ZNF536: variants seen among roughly 807,000 people sequenced by gnomAD.
ZNF536 encodes the protein zinc finger protein 536.
In ZNF536, 13 loss-of-function variants were observed where a neutral mutation model predicts 84.5. That is an observed-to-expected ratio of 0.15 (90% CI 0.10 to 0.24). The LOEUF is 0.24. ZNF536 is among the 10% of genes least tolerant of loss of function. ZNF536 has a pLI of 1.00. For missense variants in ZNF536, 1,536 were observed against 1,747.5 expected, an observed-to-expected ratio of 0.88 and a Z score of 2.16; for synonymous variants, 811 against 742.5, an observed-to-expected ratio of 1.09 and a Z score of -1.50.
chr19:30,574,591 A>G (rs1216804716), intron 1 of ZNF536, among the ~76,000 whole-genome samples: 2 of 152,250 alleles, frequency 1.3e-5, no homozygotes, highest in Admixed American at 6.5e-5. Context: ...GCGTTGCCTT[A>G]AGGCCTTTCT....
At chr19:30,319,612 C>T (rs536200878) in intron 2 of ZNF536, among the ~76,000 whole-genome samples, 1 of 152,272 alleles carries the variant, frequency 6.6e-6, no homozygotes, top group East Asian at 1.9e-4. Context: ...AGAATGAAGT[C>T]CTAAGGGTTT....
intron 1 of ZNF536, among the ~76,000 whole-genome samples, chr19:30,594,345 G>A (rs1316884271): frequency 1.3e-5 from 2 of 152,132 alleles, no homozygotes; most frequent in Non-Finnish European, 2.9e-5. Context: ...CACAGGGCCT[G>A]TCCCAGGCTG....
rs992051629 is a variant in ZNF536 at position 30,365,150 on chromosome 19, G to T, written c.-3+12666G>T. On this transcript the variant is annotated intron_variant, in intron 3 of 5. Transcript: ENST00000585628. ...ACACGTAATTATCTTGTTTACTCAG[G>T]GTATAAATAGAGTTCATGCATTTTA... Among the ~76,000 whole-genome samples the T allele has an allele frequency of 4.6e-5, 7 of 152,058 alleles. No homozygotes were observed. The South Asian group carries it at 6.2e-4, about 14-fold the overall frequency.
intron 2 of ZNF536, among the ~76,000 whole-genome samples, chr19:30,493,089 CTTTTTTTTTTTT>C (rs201787656): frequency 2.0e-3 from 144 of 71,614 alleles, no homozygotes; most frequent in African/African-American, 9.4e-3. Context: ...ATATTACTCA[CTTTTTTTTTTTT>C]TTTTTTTTTT....
chr19:30,676,393 T>C (rs1176082059), intron 1 of ZNF536, among the ~76,000 whole-genome samples: 3 of 152,214 alleles, frequency 2.0e-5, no homozygotes, highest in African/African-American at 7.2e-5. Context: ...GTCAACATTG[T>C]AGGACAGGAA....
intron 1 of ZNF536, among the ~76,000 whole-genome samples, chr19:30,580,359 GA>G (rs1438432276): frequency 2.0e-5 from 3 of 152,206 alleles, no homozygotes; most frequent in Non-Finnish European, 2.9e-5. Context: ...TCCTGCCCTT[GA>G]TGGATGGGAA....
At chr19:30,522,645 C>T (rs1193588368) in intron 2 of ZNF536, among the ~76,000 whole-genome samples, 1 of 151,996 alleles carries the variant, frequency 6.6e-6, no homozygotes, top group African/African-American at 2.4e-5. Flanking sequence ...GATGCAAAAA[C>T]GTGTTCTTTA....
chr19:30,661,152 T>C (rs1347699884), intron 1 of ZNF536, among the ~76,000 whole-genome samples: 1 of 152,214 alleles, frequency 6.6e-6, no homozygotes, highest in Admixed American at 6.5e-5. Flanking sequence ...GAGTTGCAAG[T>C]TGAAAAAAAA....
chr19:30,491,646 T>G (rs931026000), intron 2 of ZNF536, among the ~76,000 whole-genome samples: 3 of 152,140 alleles, frequency 2.0e-5, no homozygotes, highest in Non-Finnish European at 1.5e-5. Flanking sequence ...GAAACCTGAA[T>G]AGCATGGAGA....
At chr19:30,500,120 G>C (rs2054889816) in intron 2 of ZNF536, among the ~76,000 whole-genome samples, 1 of 152,224 alleles carries the variant, frequency 6.6e-6, no homozygotes, top group African/African-American at 2.4e-5. Flanking sequence ...CTGGGAACAG[G>C]TGTTTTCTTG....
chr19:30,456,107 A>C (rs1266635238), intron 2 of ZNF536, among the ~76,000 whole-genome samples: 1 of 152,194 alleles, frequency 6.6e-6, no homozygotes, highest in Admixed American at 6.5e-5. Context: ...AAAATTGGCA[A>C]TGGTTCAGAT....
intron 1 of ZNF536, among the ~76,000 whole-genome samples, chr19:30,693,901 A>G (rs2051538201): frequency 6.6e-6 from 1 of 152,186 alleles, no homozygotes; most frequent in Non-Finnish European, 1.5e-5. Flanking sequence ...TCACATTAAT[A>G]CAATACAACC....
At chr19:30,681,035 A>G (rs1037515407) in intron 1 of ZNF536, among the ~76,000 whole-genome samples, 5 of 152,060 alleles carry the variant, frequency 3.3e-5, no homozygotes, top group Non-Finnish European at 7.4e-5. Flanking sequence ...GTCGTTATGG[A>G]ACATCTGCCT....
At chr19:30,647,406 C>T (rs1205319720) in intron 1 of ZNF536, among the ~76,000 whole-genome samples, 1 of 152,140 alleles carries the variant, frequency 6.6e-6, no homozygotes, top group African/African-American at 2.4e-5. Flanking sequence ...TGTTTCCTTG[C>T]CTCTTCTTGC....
chr19:30,371,341 G>T (rs530965358), upstream of ZNF536, among the ~76,000 whole-genome samples: 1 of 152,154 alleles, frequency 6.6e-6, no homozygotes, highest in Admixed American at 6.5e-5. Context: ...CTTTGCAGCC[G>T]CTCTCATCAC....
chr19:30,242,232 G>A (rs1376636934), intron 1 of ZNF536, among the ~76,000 whole-genome samples: 1 of 152,020 alleles, frequency 6.6e-6, no homozygotes, highest in Non-Finnish European at 1.5e-5. Context: ...CTCTGTACCA[G>A]GCCCTCAGAG....
At chr19:30,582,920 T>G (rs755374355) in intron 1 of ZNF536, among the ~76,000 whole-genome samples, 7 of 151,998 alleles carry the variant, frequency 4.6e-5, no homozygotes, top group Non-Finnish European at 1.0e-4. Context: ...CAAGATGAGA[T>G]TTGGATGGGG....
chr19:30,462,292 T>TTGTGTG (rs1389128268), intron 2 of ZNF536, among the ~76,000 whole-genome samples: 1 of 144,000 alleles, frequency 6.9e-6, no homozygotes, highest in Non-Finnish European at 1.5e-5. Flanking sequence ...TCTTGTGATT[T>TTGTGTG]TGTGTGTGTG....
upstream of ZNF536, among the ~76,000 whole-genome samples, chr19:30,368,255 C>G (rs748688387): frequency 6.6e-6 from 1 of 152,224 alleles, no homozygotes; most frequent in Non-Finnish European, 1.5e-5. Flanking sequence ...TCGTGTTCTT[C>G]CAGTCCATCC....
Sources: gnomAD v4.1 joint callset for allele counts (sites outside exome capture counted in the v4.1 genomes callset) on GRCh38, gnomAD v4.1.1 for gene constraint, MANE v1.5 for transcripts, NCBI Gene and HGNC (gene_info 2026-07-23, HGNC 2026-07-21) for gene names.